The following WDFY3 variants were observed in gnomAD, a reference collection of about 807,000 sequenced individuals.
The protein encoded by WDFY3 is WD repeat and FYVE domain containing 3.
Under a neutral mutation model 409.6 loss-of-function variants are expected in WDFY3, and 66 were observed. The ratio of observed to expected loss-of-function variants is 0.16; its 90% CI spans 0.13 to 0.20. The LOEUF (loss-of-function observed/expected upper bound fraction) is 0.20, where lower values mean the gene tolerates loss of function less well. WDFY3 is among the 10% of genes least tolerant of loss of function. The probability of loss-of-function intolerance (pLI) is 1.00; values close to 1 mark genes in which losing one functional copy is unlikely to be tolerated. For missense variants in WDFY3, 3,031 were observed against 4,298.1 expected (o/e 0.71, Z 8.24); for synonymous variants, 1,521 against 1,537.1 (o/e 0.99, Z 0.25).
In WDFY3 at chr4:84,713,812, T is replaced by C. The variant is rs950894262; in HGVS notation, c.7962-573A>G. Among the ~76,000 whole-genome samples, 3 of 152,150 alleles carry C rather than the reference T, an allele frequency of 2.0e-5. No homozygotes were observed. In the East Asian group the frequency reaches 5.8e-4, roughly 29 times the overall value. ...TTTTAAGTACCAGAGATGTGTGTTG[T>C]TTTTCCTTTTTTAAAAAATTTATAG... On this transcript the variant is annotated intron_variant, in intron 50 of 67. Coordinates refer to ENST00000295888, the MANE Select transcript of WDFY3 (RefSeq NM_014991.6).
chr4:84,721,835 A>AAAC (rs376632842), intron 46 of WDFY3, among the ~76,000 whole-genome samples: 10,314 of 151,886 alleles, frequency 0.068, 486 homozygotes, highest in Admixed American at 0.12. Flanking sequence ...TTCTGTCTTA[A>AAAC]AACAACAACA....
chr4:84,709,062 C>T (rs374361978), intron 52 of WDFY3, 34 bp from the exon 53 acceptor site: 9 of 1,609,718 alleles, frequency 5.6e-6, no homozygotes, highest in South Asian at 4.4e-5. Context: ...TTTGAGCTAT[C>T]GATTATTTCC....
intron 22 of WDFY3, 108 bp downstream of exon 22, chr4:84,789,618 A>T (rs2149537015): frequency 7.5e-6 from 9 of 1,198,894 alleles, no homozygotes; most frequent in Admixed American, 2.6e-5. Context: ...AAGTAATTTT[A>T]AAAATATCCC....
At chr4:84,866,474 C>G (rs886181377) in intron 3 of WDFY3, among the ~76,000 whole-genome samples, 3 of 152,226 alleles carry the variant, frequency 2.0e-5, no homozygotes, top group Non-Finnish European at 4.4e-5. Flanking sequence ...AAGGCTATCT[C>G]CCTAACCCTC....
chr4:84,763,322 T>C (rs1027776367), intron 32 of WDFY3, among the ~76,000 whole-genome samples: 2 of 151,358 alleles, frequency 1.3e-5, no homozygotes, highest in African/African-American at 2.4e-5. Context: ...TAAGTGGGAG[T>C]TGAACAATGA....
chr4:84,677,891 AGGT>A (rs1287190931), intron 66 of WDFY3, among the ~76,000 whole-genome samples: 1 of 129,660 alleles, frequency 7.7e-6, no homozygotes, highest in African/African-American at 2.9e-5. Flanking sequence ...TGAGCCTGGG[AGGT>A]TGAGGCTGCA....
At chr4:84,795,038 T>G in intron 19 of WDFY3, 59 bp from the exon 20 acceptor site, 2 of 1,214,574 alleles carry the variant, frequency 1.6e-6, no homozygotes, top group African/African-American at 3.1e-5. Context: ...CTTAACACTG[T>G]GCACTTACCA....
chr4:84,762,870 A>T (rs1166867355), intron 32 of WDFY3, among the ~76,000 whole-genome samples: 1 of 152,136 alleles, frequency 6.6e-6, no homozygotes, highest in Non-Finnish European at 1.5e-5. Context: ...TCAGCTACTC[A>T]GGAGGCTGAG....
chr4:84,853,322 C>G (rs1321571044), intron 4 of WDFY3, among the ~76,000 whole-genome samples: 4 of 152,056 alleles, frequency 2.6e-5, no homozygotes, highest in Non-Finnish European at 5.9e-5. Flanking sequence ...AGGCACCCAC[C>G]ACCACACCCG....
chr4:84,840,115 C>A lies in WDFY3; in HGVS notation c.414+1039G>T, dbSNP rs558878191. On this transcript the variant is annotated intron_variant, in intron 6 of 67. Transcript: ENST00000295888. ...CACTGTAACTTAGACAACAGACATT[C>A]CCAAGATTGGTACTGACTTTGGTAG... Among the ~76,000 whole-genome samples, 16 of 152,200 alleles carry A rather than the reference C, an allele frequency of 1.1e-4. No homozygotes were observed. The South Asian group carries it at 3.3e-3, about 32-fold the overall frequency.
chr4:84,850,928 G>GTGTTTTTTTTTTTTTTTT (rs1758864479), intron 4 of WDFY3, among the ~76,000 whole-genome samples: 1 of 46,220 alleles, frequency 2.2e-5, no homozygotes, highest in African/African-American at 9.3e-5. Context: ...TTATTTATCT[G>GTGTTTTTTTTTTTTTTTT]TTTTTTTTTT....
At chr4:84,912,923 A>G (rs570349031) in intron 2 of WDFY3, among the ~76,000 whole-genome samples, 1 of 152,284 alleles carries the variant, frequency 6.6e-6, no homozygotes, top group Non-Finnish European at 1.5e-5. Context: ...TGAAGGGAAA[A>G]GGTAAACACC....
intron 1 of WDFY3, among the ~76,000 whole-genome samples, chr4:84,957,412 GGTAA>G (rs921562769): frequency 6.6e-6 from 1 of 151,972 alleles, no homozygotes; most frequent in Admixed American, 6.6e-5. Flanking sequence ...AAAAATGAGG[GGTAA>G]GTGACTCATA....
chr4:84,914,007 TC>T (rs1452464908), intron 2 of WDFY3, among the ~76,000 whole-genome samples: 1 of 152,146 alleles, frequency 6.6e-6, no homozygotes, highest in Non-Finnish European at 1.5e-5. Flanking sequence ...CATTTTCTCT[TC>T]CTGATGATTT....
At chr4:84,781,294 G>C (rs1204862849) in intron 25 of WDFY3, among the ~76,000 whole-genome samples, 1 of 151,038 alleles carries the variant, frequency 6.6e-6, no homozygotes, top group Non-Finnish European at 1.5e-5. Flanking sequence ...CTTGCCTGCT[G>C]ACCAAGACTG....
intron 13 of WDFY3, among the ~76,000 whole-genome samples, chr4:84,810,803 C>T (rs534284539): frequency 3.3e-5 from 5 of 152,238 alleles, no homozygotes; most frequent in African/African-American, 1.2e-4. Flanking sequence ...ATAAAGTGAC[C>T]ATATTCATGC....
intron 2 of WDFY3, among the ~76,000 whole-genome samples, chr4:84,931,620 T>G (rs1464065711): frequency 1.3e-5 from 2 of 152,180 alleles, no homozygotes; most frequent in African/African-American, 4.8e-5. Flanking sequence ...TCTTGGATCC[T>G]GTGGCATCTC....
At chr4:84,810,891 G>C (rs1417348520) in intron 13 of WDFY3, among the ~76,000 whole-genome samples, 1 of 151,338 alleles carries the variant, frequency 6.6e-6, no homozygotes, top group Non-Finnish European at 1.5e-5. Flanking sequence ...AGGGTTGAAA[G>C]TATGGCTTTT....
chr4:84,920,758 T>C (rs914280721), intron 2 of WDFY3, among the ~76,000 whole-genome samples: 3 of 152,202 alleles, frequency 2.0e-5, no homozygotes, highest in Middle Eastern at 3.2e-3. Context: ...GATTACTCAA[T>C]AGTTTCATCA....
Sources: allele counts gnomAD v4.1 joint callset (sites outside exome capture counted in the v4.1 genomes callset), GRCh38; gene constraint gnomAD v4.1.1; transcripts MANE v1.5; gene names NCBI Gene and HGNC (gene_info 2026-07-23, HGNC 2026-07-21).